TMEM150C: variants seen among roughly 807,000 people sequenced by gnomAD.
TMEM150C encodes tentonin 3.
Under a neutral mutation model 29.9 loss-of-function variants are expected in TMEM150C, and 10 were observed. That is an observed-to-expected ratio of 0.33 (90% CI 0.21 to 0.57). The LOEUF (loss-of-function observed/expected upper bound fraction) is 0.57, where lower values mean the gene tolerates loss of function less well. Ranked by LOEUF, TMEM150C falls within the 20% of genes least tolerant of loss-of-function variation. The probability of loss-of-function intolerance (pLI) is 0.88; values close to 1 mark genes in which losing one functional copy is unlikely to be tolerated. For missense variants in TMEM150C, 251 were observed against 303.6 expected (o/e 0.83, Z 1.29); for synonymous variants, 101 against 112.5 (o/e 0.90, Z 0.64).
At chr4:82,491,365 G>A (rs1362732983) in intron 6 of TMEM150C, 3 of 641,428 alleles carry the variant, frequency 4.7e-6, no homozygotes, top group Non-Finnish European at 8.4e-6. Context: ...TGGCATCCAG[G>A]GCCTGGGTGA....
chr4:82,495,014 A>T, intron 6 of TMEM150C: 1 of 969,990 alleles, frequency 1.0e-6, no homozygotes, highest in South Asian at 1.5e-5. Flanking sequence ...TCAGAGCAAT[A>T]GGCTGCTGTT....
chr4:82,549,788 G>T (rs7665277), intron 1 of TMEM150C, among the ~76,000 whole-genome samples: 53,386 of 152,040 alleles, frequency 0.35, 13,738 homozygotes, highest in African/African-American at 0.73. Context: ...TGTAGAGATC[G>T]ACCTTAATTT....
intron 1 of TMEM150C, among the ~76,000 whole-genome samples, chr4:82,531,726 G>A (rs1423714256): frequency 1.5e-5 from 2 of 130,442 alleles, no homozygotes; most frequent in Non-Finnish European, 3.1e-5. Flanking sequence ...TTGCACTCCA[G>A]CCTGGGCAAC....
At chr4:82,522,649 T>C (rs772832487) in intron 1 of TMEM150C, among the ~76,000 whole-genome samples, 7 of 152,206 alleles carry the variant, frequency 4.6e-5, no homozygotes, top group Non-Finnish European at 1.0e-4. Flanking sequence ...TAAGGCTGAC[T>C]TTCTTCAGGA....
chr4:82,492,410 G>A (rs922477639), intron 6 of TMEM150C, among the ~76,000 whole-genome samples: 2 of 152,146 alleles, frequency 1.3e-5, no homozygotes, highest in African/African-American at 4.8e-5. Context: ...TTACAGGCAT[G>A]AGCCAACACA....
chr4:82,497,855 G>A (rs1723606788), intron 5 of TMEM150C, among the ~76,000 whole-genome samples: 1 of 152,152 alleles, frequency 6.6e-6, no homozygotes, highest in African/African-American at 2.4e-5. Context: ...AAGTAGGGGA[G>A]AGGAGTAATT....
intron 5 of TMEM150C, 97 bp from the exon 6 acceptor site, chr4:82,496,292 A>G (rs570465425): frequency 2.2e-5 from 28 of 1,258,130 alleles, no homozygotes; most frequent in Non-Finnish European, 2.7e-5. Flanking sequence ...ATGCTGCACT[A>G]TTTTCTTAGG....
chr4:82,491,386 T>C (rs937909142), intron 6 of TMEM150C: 2 of 641,370 alleles, frequency 3.1e-6, no homozygotes, highest in Non-Finnish European at 5.6e-6. Flanking sequence ...ACTGGTTAAT[T>C]GCAGAAAGCA....
intron 1 of TMEM150C, among the ~76,000 whole-genome samples, chr4:82,507,766 T>A (rs914400862): frequency 7.5e-5 from 9 of 120,636 alleles, no homozygotes; most frequent in Admixed American, 1.8e-4. Context: ...TTTTTTTTTT[T>A]GAGACACGAT....
intron 1 of TMEM150C, among the ~76,000 whole-genome samples, chr4:82,522,270 G>A (rs1042724167): frequency 5.9e-5 from 9 of 152,210 alleles, no homozygotes; most frequent in African/African-American, 9.6e-5. Flanking sequence ...ATCCACAAGC[G>A]ACCAAAGTGA....
At chr4:82,535,837 T>G (rs1724985343) in intron 1 of TMEM150C, among the ~76,000 whole-genome samples, 1 of 152,270 alleles carries the variant, frequency 6.6e-6, no homozygotes, top group African/African-American at 2.4e-5. Context: ...TATTAACATT[T>G]TAGCTGAATA....
chr4:82,504,208 AT>A (rs1161342992), intron 2 of TMEM150C, among the ~76,000 whole-genome samples: 4 of 151,496 alleles, frequency 2.6e-5, no homozygotes, highest in African/African-American at 7.3e-5. Context: ...GCCATCTACT[AT>A]TTTTTGGGGG....
chr4:82,510,685 G>A (rs1724094725), intron 1 of TMEM150C, among the ~76,000 whole-genome samples: 1 of 152,194 alleles, frequency 6.6e-6, no homozygotes, highest in Non-Finnish European at 1.5e-5. Flanking sequence ...GTGCTGTTGG[G>A]GGTCTTTGGT....
At chr4:82,509,254 G>C (rs1194772805) in intron 1 of TMEM150C, among the ~76,000 whole-genome samples, 1 of 152,042 alleles carries the variant, frequency 6.6e-6, no homozygotes, top group Admixed American at 6.6e-5. Flanking sequence ...TTGTGACCTG[G>C]CATCCCTGCA....
chr4:82,507,536 C>G (rs886537347), intron 1 of TMEM150C, among the ~76,000 whole-genome samples: 2 of 151,970 alleles, frequency 1.3e-5, no homozygotes, highest in African/African-American at 4.8e-5. Context: ...AATAGAGAAA[C>G]GACTCTGATG....
intron 1 of TMEM150C, among the ~76,000 whole-genome samples, chr4:82,521,790 A>G (rs1484911721): frequency 6.6e-6 from 1 of 152,196 alleles, no homozygotes; most frequent in Non-Finnish European, 1.5e-5. Context: ...CCACAGTCAG[A>G]CTGTGTGGGG....
chr4:82,486,731 C>T (rs1246489739), intron 7 of TMEM150C, among the ~76,000 whole-genome samples: 3 of 151,810 alleles, frequency 2.0e-5, no homozygotes, highest in Non-Finnish European at 4.4e-5. Context: ...GCTAGGGTGA[C>T]GGCAAGGCCC....
At chr4:82,502,632 A>G in intron 5 of TMEM150C, 95 bp downstream of exon 5, 1 of 1,239,134 alleles carries the variant, frequency 8.1e-7, no homozygotes, top group South Asian at 1.3e-5. Flanking sequence ...AAATGATCAA[A>G]TAAGCCCCCC....
At chr4:82,556,093 T>G (rs1329268355) in intron 1 of TMEM150C, among the ~76,000 whole-genome samples, 2 of 150,684 alleles carry the variant, frequency 1.3e-5, no homozygotes, top group South Asian at 4.2e-4. Context: ...CTAGTGTTGT[T>G]TTTTTTTTTC....
Sources: allele counts gnomAD v4.1 joint callset (sites outside exome capture counted in the v4.1 genomes callset), GRCh38; gene constraint gnomAD v4.1.1; transcripts MANE v1.5; gene names NCBI Gene and HGNC (gene_info 2026-07-23, HGNC 2026-07-21).